Variants in PTPRA observed in about 807,000 individuals in gnomAD.
PTPRA encodes receptor-type tyrosine-protein phosphatase alpha.
A neutral mutation model predicts 104.8 loss-of-function variants in PTPRA; 25 were observed. The observed-to-expected ratio is 0.24, with a 90% confidence interval of 0.17 to 0.33. The LOEUF is 0.33. PTPRA is among the 10% of genes least tolerant of loss of function. The probability of loss-of-function intolerance (pLI) is 1.00; values close to 1 mark genes in which losing one functional copy is unlikely to be tolerated. For synonymous variants in PTPRA, 323 were observed against 368.9 expected (o/e 0.88, Z 1.43); for missense variants, 765 against 1,015.3 (o/e 0.75, Z 3.35).
At chr20:3,008,226 T>C (rs537621570) in intron 11 of PTPRA, among the ~76,000 whole-genome samples, 13 of 152,356 alleles carry the variant, frequency 8.5e-5, no homozygotes, top group South Asian at 2.1e-4. Context: ...CAAGTGTCCA[T>C]TGACGGATGA....
chr20:2,941,618 G>T (rs2060923437), intron 2 of PTPRA, among the ~76,000 whole-genome samples: 1 of 152,160 alleles, frequency 6.6e-6, no homozygotes, highest in South Asian at 2.1e-4. Context: ...GTTCTTCAAA[G>T]GCTTCTTAAT....
At chr20:2,891,510 A>C (rs1217109163) in intron 1 of PTPRA, among the ~76,000 whole-genome samples, 1 of 152,078 alleles carries the variant, frequency 6.6e-6, no homozygotes, top group Non-Finnish European at 1.5e-5. Flanking sequence ...AATTTATCAG[A>C]TAGAGATCAG....
Position 2,883,378 on chromosome 20 carries a change from C to T in PTPRA, c.-129+9618C>T, listed in dbSNP as rs1438257277. On this transcript the variant is annotated intron_variant, in intron 1 of 23. Coordinates refer to ENST00000399903, the MANE Select transcript of PTPRA (RefSeq NM_001385305.1). ...CTTAGAAAGAAATGTGCAGGCCGGG[C>T]GCGGTGGCTCACGCCTGTAATCCCA... 6.1e-4 allele frequency among the ~76,000 whole-genome samples: 14 copies of T among 22,850 alleles called. 6 individuals are homozygous for T. The highest frequency in any genetic ancestry group is 1.8e-3 in the African/African-American group (2 of 1,084). The allele number at this position is 22,850 out of a possible 152,430, so 15.0% of individuals were successfully genotyped here. A position where few individuals can be genotyped will look rare whatever the true frequency, so the allele number is the denominator to read the frequency against.
upstream of PTPRA, among the ~76,000 whole-genome samples, chr20:2,869,256 C>T (rs1568632774): frequency 6.6e-6 from 1 of 152,192 alleles, no homozygotes; most frequent in Non-Finnish European, 1.5e-5. Flanking sequence ...AAGTAAGTTG[C>T]AGACATCAGT....
chr20:2,866,639 C>A, the PTPRA span: 1 of 1,592,854 alleles, frequency 6.3e-7, no homozygotes, highest in South Asian at 1.1e-5. Context: ...GGCAGAAGGG[C>A]CATAGTTCAT....
intron 1 of PTPRA, among the ~76,000 whole-genome samples, chr20:2,878,446 GTGATCCACCC>G (rs2089867104): frequency 7.9e-5 from 12 of 152,216 alleles, no homozygotes; most frequent in Admixed American, 7.8e-4. Flanking sequence ...CTGGACTCAA[GTGATCCACCC>G]GCCTTGGCCT....
At chr20:2,951,950 C>T (rs1484437683) in intron 3 of PTPRA, among the ~76,000 whole-genome samples, 1 of 151,986 alleles carries the variant, frequency 6.6e-6, no homozygotes, top group Non-Finnish European at 1.5e-5. Flanking sequence ...GTGAAACCCC[C>T]TCTCTACTAA....
intron 13 of PTPRA, among the ~76,000 whole-genome samples, chr20:3,020,824 A>T (rs879459747): frequency 1.3e-5 from 2 of 152,136 alleles, no homozygotes; most frequent in Non-Finnish European, 2.9e-5. Flanking sequence ...CTCCAACCAA[A>T]CCTCTTGCTC....
At chr20:2,932,212 A>G (rs1449573412) in intron 2 of PTPRA, among the ~76,000 whole-genome samples, 1 of 152,208 alleles carries the variant, frequency 6.6e-6, no homozygotes, top group Non-Finnish European at 1.5e-5. Flanking sequence ...GGCAGGAATT[A>G]GATTTAATCA....
At chr20:2,995,801 G>T (rs1385032757) in intron 9 of PTPRA, among the ~76,000 whole-genome samples, 5 of 152,142 alleles carry the variant, frequency 3.3e-5, no homozygotes, top group African/African-American at 1.2e-4. Context: ...TTGGAGCTGG[G>T]TTATTTCTTG....
In PTPRA at chr20:3,022,548, C is replaced by A; in HGVS notation, c.1329-141C>A. 8.2e-7 allele frequency: 1 copy of A among 1,218,234 alleles called. No individual in the cohort carries two copies. The highest frequency in any genetic ancestry group is 1.1e-6 in the Non-Finnish European group (1 of 879,402). The allele number at this position is 1,218,234 out of a possible 1,614,324, so 75.5% of individuals were successfully genotyped here. Reference sequence around the variant, plus strand: ...ATTCAGGACATACTGGAGTTGTTGGCTCCTGGAGAGCCCCAGCTCTACCCC... The same window carrying A: ...ATTCAGGACATACTGGAGTTGTTGGATCCTGGAGAGCCCCAGCTCTACCCC... On this transcript the variant is annotated intron_variant, in intron 15 of 23. Transcript: ENST00000399903. This position sits in a 1 kb window ranked among gnomAD's most constrained non-coding sequence, Gnocchi z 4.6.
At position 2,945,667 on chromosome 20, in the gene PTPRA, A is replaced by C. The variant is rs963308390; in HGVS notation, c.-49-2315A>C. Among the ~76,000 whole-genome samples the C allele has an allele frequency of 1.3e-5, 2 of 151,700 alleles. 1 individual carries two copies. The highest frequency in any genetic ancestry group is 4.2e-4 in the South Asian group (2 of 4,802). On this transcript the variant is annotated intron_variant, in intron 2 of 23. Coordinates refer to ENST00000399903, the MANE Select transcript of PTPRA (RefSeq NM_001385305.1). ...TTATAGGCCGGGTACAGTGGCTTAC[A>C]CCTGTAATCCCAGCACTTTATGAAG...
upstream of PTPRA, among the ~76,000 whole-genome samples, chr20:2,871,006 G>T (rs939829842): frequency 2.0e-5 from 3 of 152,150 alleles, no homozygotes; most frequent in Non-Finnish European, 4.4e-5. Flanking sequence ...GTAGGATGGA[G>T]GGCTGGGCAG....
intron 1 of PTPRA, among the ~76,000 whole-genome samples, chr20:2,914,445 CTGTGTGTGTGTGTGTGTGTGTGTG>C (rs35272226): frequency 1.4e-5 from 2 of 145,626 alleles, no homozygotes; most frequent in Non-Finnish European, 3.0e-5. Flanking sequence ...ATTTCTTGCT[CTGTGTGTGTGTGTGTGTGTGTGTG>C]TGTGTGTGTG....
chr20:2,910,416 TATA>T lies in PTPRA; in HGVS notation c.-128-12787_-128-12785del, dbSNP rs1374217241. Among the ~76,000 whole-genome samples the T allele has an allele frequency of 2.0e-5, 2 of 101,278 alleles. 1 individual carries two copies. The highest frequency in any genetic ancestry group is 4.0e-5 in the Non-Finnish European group (2 of 50,542). The allele number at this position is 101,278 out of a possible 152,430, so 66.4% of individuals were successfully genotyped here. A position where few individuals can be genotyped will look rare whatever the true frequency, so the allele number is the denominator to read the frequency against. ...TATATATAATATATTTTGTATATTA[TATA>T]ATATATAAAATGTATATTATATATA... On this transcript the variant is annotated intron_variant, in intron 1 of 23. Coordinates refer to ENST00000399903, the MANE Select transcript of PTPRA (RefSeq NM_001385305.1).
At chr20:2,931,569 A>C (rs747215129) in intron 2 of PTPRA, among the ~76,000 whole-genome samples, 2 of 152,176 alleles carry the variant, frequency 1.3e-5, no homozygotes, top group Non-Finnish European at 2.9e-5. Context: ...GAAGAACAGA[A>C]GATCAGGAAG....
intron 1 of PTPRA, among the ~76,000 whole-genome samples, chr20:2,890,977 T>C (rs1227190520): frequency 6.6e-6 from 1 of 152,222 alleles, no homozygotes; most frequent in Non-Finnish European, 1.5e-5. Context: ...TCCATTGGGC[T>C]ATCTCCCAGG....
intron 1 of PTPRA, among the ~76,000 whole-genome samples, chr20:2,874,477 A>G (rs1344470838): frequency 6.6e-6 from 1 of 152,010 alleles, no homozygotes; most frequent in Non-Finnish European, 1.5e-5. Context: ...GTAAGACAGG[A>G]AAAGAAGAAT....
At chr20:2,900,654 G>A (rs1300301061) in intron 1 of PTPRA, among the ~76,000 whole-genome samples, 5 of 151,500 alleles carry the variant, frequency 3.3e-5, no homozygotes, top group African/African-American at 4.9e-5. Context: ...TCAGGAGTTC[G>A]AGACCAGCCT....
Sources: allele counts gnomAD v4.1 joint callset (sites outside exome capture counted in the v4.1 genomes callset), GRCh38; gene constraint gnomAD v4.1.1; non-coding constraint Gnocchi (gnomAD v3.1); transcripts MANE v1.5; gene names NCBI Gene and HGNC (gene_info 2026-07-23, HGNC 2026-07-21).